Variants in THSD7B observed in about 807,000 individuals in gnomAD.
The protein encoded by THSD7B is thrombospondin type 1 domain containing 7B.
Under a neutral mutation model 213.6 loss-of-function variants are expected in THSD7B, and 138 were observed. The ratio of observed to expected loss-of-function variants is 0.65; its 90% CI spans 0.56 to 0.74. The LOEUF (loss-of-function observed/expected upper bound fraction) is 0.74, where lower values mean the gene tolerates loss of function less well. Among genes scored for constraint, THSD7B ranks in the 30% least tolerant of loss-of-function variants. THSD7B has a pLI of 0.00. For missense variants in THSD7B, 1,931 were observed against 1,991.5 expected, an observed-to-expected ratio of 0.97 and a Z score of 0.58; for synonymous variants, 742 against 687.0, an observed-to-expected ratio of 1.08 and a Z score of -1.25.
chr2:137,213,470 A>G (rs6718274), intron 7 of THSD7B, among the ~76,000 whole-genome samples: 88,135 of 147,590 alleles, frequency 0.6, 26,738 homozygotes, highest in South Asian at 0.71. Context: ...TATTAAGTTT[A>G]TATTAGGTCA....
intron 13 of THSD7B, among the ~76,000 whole-genome samples, chr2:137,408,325 T>C (rs1274335841): frequency 1.3e-5 from 2 of 151,652 alleles, no homozygotes; most frequent in Non-Finnish European, 2.9e-5. Flanking sequence ...CCTTCCCCCT[T>C]CTCCTTTATC....
At chr2:137,102,911 T>C (rs1370020853) in intron 4 of THSD7B, among the ~76,000 whole-genome samples, 1 of 152,174 alleles carries the variant, frequency 6.6e-6, no homozygotes, top group Non-Finnish European at 1.5e-5. Flanking sequence ...CTACATTTGA[T>C]TGGTGTATCT....
At chr2:137,302,234 G>A (rs1240393276) in intron 12 of THSD7B, among the ~76,000 whole-genome samples, 1 of 152,080 alleles carries the variant, frequency 6.6e-6, no homozygotes, top group Admixed American at 6.5e-5. Flanking sequence ...TGTAACTAGG[G>A]AAGACTCCAA....
At chr2:137,451,242 T>A (rs1687645341) in intron 15 of THSD7B, among the ~76,000 whole-genome samples, 1 of 152,050 alleles carries the variant, frequency 6.6e-6, no homozygotes, top group Admixed American at 6.6e-5. Flanking sequence ...TCCTTAGTAG[T>A]AATAATATTT....
chr2:137,664,970 C>G (rs1253161214), intron 26 of THSD7B, among the ~76,000 whole-genome samples: 1 of 152,088 alleles, frequency 6.6e-6, no homozygotes, highest in Admixed American at 6.5e-5. Context: ...TCTTGATGAC[C>G]TGTTTAAATG....
At chr2:136,881,493 C>T (rs1044927611) in intron 1 of THSD7B, among the ~76,000 whole-genome samples, 3 of 152,128 alleles carry the variant, frequency 2.0e-5, no homozygotes, top group Non-Finnish European at 4.4e-5. Context: ...ATTATAAAGA[C>T]TATCTTCATG....
At chr2:137,186,051 C>G (rs182400208) in intron 7 of THSD7B, among the ~76,000 whole-genome samples, 1 of 152,228 alleles carries the variant, frequency 6.6e-6, no homozygotes, top group East Asian at 1.9e-4. Context: ...AGTATCTGTT[C>G]ATATCCTTTG....
intron 1 of THSD7B, among the ~76,000 whole-genome samples, chr2:136,855,581 G>A (rs190707965): frequency 1.1e-4 from 13 of 122,374 alleles, no homozygotes; most frequent in East Asian, 7.0e-4. Flanking sequence ...GCGTGCCACC[G>A]CATCCGGCTA....
intron 24 of THSD7B, among the ~76,000 whole-genome samples, chr2:137,658,167 C>T (rs138613019): frequency 6.6e-6 from 1 of 152,248 alleles, no homozygotes; most frequent in East Asian, 1.9e-4. Flanking sequence ...CTTGCTCTTG[C>T]ACTATTGGTA....
chr2:137,511,039 A>T (rs1270582282), intron 15 of THSD7B, among the ~76,000 whole-genome samples: 1 of 151,578 alleles, frequency 6.6e-6, no homozygotes. Context: ...ATCTTCTGTG[A>T]CTCTAATTGT....
Position 137,249,585 on chromosome 2 carries a change from T to C in THSD7B, c.2266+7013T>C, listed in dbSNP as rs145587032. On this transcript the variant is annotated intron_variant, in intron 10 of 27. Transcript: ENST00000409968. ...TTAGAAAGACCTGAAATCTACAGTATAGTCTACTGGATTTTCTCTTGCATC... is the reference window on the plus strand; with the variant it reads ...TTAGAAAGACCTGAAATCTACAGTACAGTCTACTGGATTTTCTCTTGCATC... Among the ~76,000 whole-genome samples the C allele has an allele frequency of 8.6e-3, 1,316 of 152,318 alleles. 19 individuals carry two copies. The highest frequency in any genetic ancestry group is 0.03 in the African/African-American group (1,243 of 41,566).
intron 12 of THSD7B, among the ~76,000 whole-genome samples, chr2:137,312,744 C>T (rs1395279757): frequency 6.7e-6 from 1 of 149,608 alleles, no homozygotes; most frequent in Admixed American, 6.7e-5. Context: ...ATCTTTATTT[C>T]TGCCTTCATT....
In THSD7B at chr2:137,040,360, T is replaced by C. The variant is rs550015076; in HGVS notation, c.140-16060T>C. Among the ~76,000 whole-genome samples the C allele has an allele frequency of 1.7e-4, 26 of 151,858 alleles. No homozygotes were observed. In the South Asian group the frequency reaches 2.1e-3, roughly 12 times the overall value. Reference sequence around the variant, plus strand: ...CTAGCCCAAGAGGTAGCTATATTTCTTTTTCTTCTCCTTCTCCTCCTCTTT... The same window carrying C: ...CTAGCCCAAGAGGTAGCTATATTTCCTTTTCTTCTCCTTCTCCTCCTCTTT... On this transcript the variant is annotated intron_variant, in intron 2 of 27. Coordinates refer to ENST00000409968, the MANE Select transcript of THSD7B (RefSeq NM_001316349.2).
intron 1 of THSD7B, among the ~76,000 whole-genome samples, chr2:136,859,596 T>C (rs1363069945): frequency 6.6e-6 from 1 of 151,750 alleles, no homozygotes; most frequent in African/African-American, 2.4e-5. Context: ...TCAAATAAGA[T>C]GAGATATGAA....
chr2:136,909,326 G>T (rs1456608465), intron 2 of THSD7B, among the ~76,000 whole-genome samples: 1 of 152,136 alleles, frequency 6.6e-6, no homozygotes, highest in Non-Finnish European at 1.5e-5. Flanking sequence ...AAAATGAGGG[G>T]TGGAGGGTGG....
In THSD7B at chr2:137,651,282, C is replaced by A. The variant is rs150477964; in HGVS notation, c.3946-4219C>A. Reference sequence around the variant, plus strand: ...ACTCGTTTGTTGCCATTTTCTATTTCTTCATGGTTCAATCTTGATAGGTTG... The same window carrying A: ...ACTCGTTTGTTGCCATTTTCTATTTATTCATGGTTCAATCTTGATAGGTTG... On this transcript the variant is annotated intron_variant, in intron 21 of 27. Transcript: ENST00000409968. Among the ~76,000 whole-genome samples the A allele has an allele frequency of 2.4e-4, 37 of 151,892 alleles. 1 individual carries two copies. The East Asian group carries it at 6.8e-3, about 28-fold the overall frequency.
chr2:136,884,363 A>C (rs1040672551), intron 2 of THSD7B, among the ~76,000 whole-genome samples: 1 of 152,150 alleles, frequency 6.6e-6, no homozygotes, highest in Non-Finnish European at 1.5e-5. Context: ...CAGAATCTGG[A>C]GAGGTGCTTG....
At chr2:136,881,350 G>A (rs1683619459) in intron 1 of THSD7B, among the ~76,000 whole-genome samples, 1 of 152,114 alleles carries the variant, frequency 6.6e-6, no homozygotes, top group African/African-American at 2.4e-5. Flanking sequence ...GAATATACAA[G>A]GTATCTGCCA....
At position 137,441,191 on chromosome 2, in the gene THSD7B, C is replaced by A. The variant is rs1028782012; in HGVS notation, c.2960-9654C>A. On this transcript the variant is annotated intron_variant, in intron 14 of 27. Transcript: ENST00000409968. ...TTTAGCCTAAGGGCAAAGCATTTGC[C>A]ACTTCAGAATTTTCAAATTGTCTCT... Among the ~76,000 whole-genome samples, 5 of 151,976 alleles carry A rather than the reference C, an allele frequency of 3.3e-5. 1 individual carries two copies. Among genetic ancestry groups the A allele is most frequent in the Non-Finnish European group, 7.4e-5 (5 of 67,968 alleles).
Sources: allele counts gnomAD v4.1 joint callset (sites outside exome capture counted in the v4.1 genomes callset), GRCh38; gene constraint gnomAD v4.1.1; transcripts MANE v1.5; gene names NCBI Gene and HGNC (gene_info 2026-07-23, HGNC 2026-07-21).